The following FGGY variants were observed in gnomAD, a reference collection of about 807,000 sequenced individuals.
FGGY encodes the protein FGGY carbohydrate kinase domain containing.
In FGGY, 72 loss-of-function variants were observed where a neutral mutation model predicts 71.3. The ratio of observed to expected loss-of-function variants is 1.01; its 90% CI spans 0.84 to 1.23. The LOEUF (loss-of-function observed/expected upper bound fraction) is 1.23, where lower values mean the gene tolerates loss of function less well. Ranked by LOEUF, FGGY falls within the 50% of genes most tolerant of loss-of-function variation. The probability of loss-of-function intolerance (pLI) is 0.00; values close to 1 mark genes in which losing one functional copy is unlikely to be tolerated. For synonymous variants in FGGY, 251 were observed against 250.3 expected (o/e 1.00, Z -0.02); for missense variants, 668 against 682.3 (o/e 0.98, Z 0.23).
intron 4 of FGGY, among the ~76,000 whole-genome samples, chr1:59,370,719 T>C (rs1313613433): frequency 1.3e-5 from 2 of 151,410 alleles, no homozygotes; most frequent in African/African-American, 2.4e-5. Flanking sequence ...TGGCAGAAAC[T>C]CTACAAGCCA....
At chr1:59,331,563 C>A (rs557074897) in intron 2 of FGGY, among the ~76,000 whole-genome samples, 1 of 152,274 alleles carries the variant, frequency 6.6e-6, no homozygotes, top group South Asian at 2.1e-4. Flanking sequence ...TTGCATCTTG[C>A]ATAGGAACCA....
intron 5 of FGGY, among the ~76,000 whole-genome samples, chr1:59,436,287 C>CTTCTGT (rs1459878064): frequency 6.6e-6 from 1 of 152,092 alleles, no homozygotes; most frequent in Non-Finnish European, 1.5e-5. Context: ...ACCCTCTGCC[C>CTTCTGT]TTCTGTTTCA....
At chr1:59,663,125 C>T (rs1448536532) in intron 12 of FGGY, among the ~76,000 whole-genome samples, 2 of 152,164 alleles carry the variant, frequency 1.3e-5, no homozygotes, top group Non-Finnish European at 2.9e-5. Flanking sequence ...GTGCCAGGCA[C>T]CAAAGACGGT....
chr1:59,414,949 A>G (rs2064144228), intron 5 of FGGY, among the ~76,000 whole-genome samples: 1 of 152,210 alleles, frequency 6.6e-6, no homozygotes, highest in Non-Finnish European at 1.5e-5. Context: ...TGAAGAGCAC[A>G]TGGAAGATGT....
At chr1:59,738,410 C>A (rs2098122616) in intron 14 of FGGY, among the ~76,000 whole-genome samples, 1 of 152,104 alleles carries the variant, frequency 6.6e-6, no homozygotes, top group Admixed American at 6.5e-5. Context: ...AGATGGCAAA[C>A]AAGAATTGGA....
At chr1:59,708,254 A>G (rs2097769852) in intron 14 of FGGY, among the ~76,000 whole-genome samples, 1 of 151,640 alleles carries the variant, frequency 6.6e-6, no homozygotes. Context: ...TTTTCCTCCC[A>G]TTTCATTTTT....
At chr1:59,453,505 C>G (rs114975557) in intron 5 of FGGY, among the ~76,000 whole-genome samples, 1,794 of 152,242 alleles carry the variant, frequency 0.012, 32 homozygotes, top group African/African-American at 0.041. Flanking sequence ...GCTGTGCTGT[C>G]CTAGGTGATC....
At chr1:59,618,660 T>C (rs940579557) in intron 9 of FGGY, among the ~76,000 whole-genome samples, 1 of 152,038 alleles carries the variant, frequency 6.6e-6, no homozygotes, top group Non-Finnish European at 1.5e-5. Context: ...CTGAAATACA[T>C]ATATAGTAGA....
intron 7 of FGGY, among the ~76,000 whole-genome samples, chr1:59,550,572 G>A (rs1484674443): frequency 6.6e-6 from 1 of 152,106 alleles, no homozygotes; most frequent in Non-Finnish European, 1.5e-5. Flanking sequence ...TTTAGGAGAA[G>A]CACTGTGTAT....
intron 2 of FGGY, among the ~76,000 whole-genome samples, chr1:59,324,356 A>G (rs535926082): frequency 4.9e-4 from 65 of 133,192 alleles, no homozygotes; most frequent in Non-Finnish European, 8.6e-4. Flanking sequence ...GGCTCACTGC[A>G]AGCTCCGCCT....
chr1:59,374,691 T>A (rs1571232734), intron 4 of FGGY, among the ~76,000 whole-genome samples: 2 of 152,208 alleles, frequency 1.3e-5, no homozygotes, highest in African/African-American at 4.8e-5. Context: ...TAAGAAAATG[T>A]GGCACATATA....
At chr1:59,749,287 T>C (rs774430527) in intron 14 of FGGY, among the ~76,000 whole-genome samples, 1 of 152,086 alleles carries the variant, frequency 6.6e-6, no homozygotes, top group Non-Finnish European at 1.5e-5. Flanking sequence ...GGGGTGGAGT[T>C]TGTGGAAACC....
intron 4 of FGGY, among the ~76,000 whole-genome samples, chr1:59,370,456 A>T (rs941679187): frequency 1.3e-5 from 2 of 152,236 alleles, no homozygotes; most frequent in African/African-American, 4.8e-5. Flanking sequence ...TGACGGGGAG[A>T]ATGGAACCAA....
intron 4 of FGGY, among the ~76,000 whole-genome samples, chr1:59,359,605 T>G (rs1339637276): frequency 6.6e-6 from 1 of 152,190 alleles, no homozygotes; most frequent in Non-Finnish European, 1.5e-5. Context: ...CTGACACAGC[T>G]AAGACCTCCC....
chr1:59,640,353 T>C (rs1044371428), intron 11 of FGGY, among the ~76,000 whole-genome samples: 5 of 152,220 alleles, frequency 3.3e-5, no homozygotes, highest in African/African-American at 1.2e-4. Flanking sequence ...GAAATTCTTC[T>C]GTTATGTTAT....
chr1:59,377,579 G>T (rs1031676016), intron 4 of FGGY, among the ~76,000 whole-genome samples: 9 of 152,186 alleles, frequency 5.9e-5, no homozygotes, highest in Non-Finnish European at 1.2e-4. Flanking sequence ...TACGATTCAA[G>T]ATGAGATTTG....
Position 59,584,332 on chromosome 1 carries a change from G to A in FGGY, c.904-23471G>A, listed in dbSNP as rs538171403. On this transcript the variant is annotated intron_variant, in intron 8 of 15. Transcript: ENST00000303721. ...AAAGCTTATCCACCATGATCAAGTGGGCTTCATCCCTGGGATGCAAGGCTT... is the reference window on the plus strand; with the variant it reads ...AAAGCTTATCCACCATGATCAAGTGAGCTTCATCCCTGGGATGCAAGGCTT... Among the ~76,000 whole-genome samples, 430 of 150,014 alleles carry A rather than the reference G, an allele frequency of 2.9e-3. 9 individuals carry two copies. Among genetic ancestry groups the A allele is most frequent in the Non-Finnish European group, 5.2e-3 (351 of 67,910 alleles).
At chr1:59,435,889 G>A (rs375561819) in intron 5 of FGGY, among the ~76,000 whole-genome samples, 4 of 152,076 alleles carry the variant, frequency 2.6e-5, no homozygotes, top group Non-Finnish European at 5.9e-5. Flanking sequence ...CAGCATGAAG[G>A]AGATACACGA....
chr1:59,743,373 G>A (rs2098166607), intron 14 of FGGY, among the ~76,000 whole-genome samples: 3 of 152,264 alleles, frequency 2.0e-5, no homozygotes, highest in Middle Eastern at 3.4e-3. Flanking sequence ...TGAGGTCAGG[G>A]ATCAGAGCTG....
Sources: allele counts gnomAD v4.1 joint callset (sites outside exome capture counted in the v4.1 genomes callset), GRCh38; gene constraint gnomAD v4.1.1; transcripts MANE v1.5; gene names NCBI Gene and HGNC (gene_info 2026-07-23, HGNC 2026-07-21).